GLIS3: variants seen among roughly 807,000 people sequenced by gnomAD.
GLIS3 encodes GLIS family zinc finger 3.
A neutral mutation model predicts 78.6 loss-of-function variants in GLIS3; 53 were observed. The observed-to-expected ratio is 0.67, with a 90% CI of 0.54 to 0.85. GLIS3 has a LOEUF of 0.85. Among genes scored for constraint, GLIS3 ranks in the 40% least tolerant of loss-of-function variants. The probability of loss-of-function intolerance (pLI) is 0.00; values close to 1 mark genes in which losing one functional copy is unlikely to be tolerated. For synonymous variants in GLIS3, 684 were observed against 509.9 expected, an observed-to-expected ratio of 1.34 and a Z score of -4.60; for missense variants, 1,703 against 1,231.1, an observed-to-expected ratio of 1.38 and a Z score of -5.74.
At chr9:4,406,177 C>T in the GLIS3 span, among the ~76,000 whole-genome samples, 2 of 152,052 alleles carry the variant, frequency 1.3e-5, no homozygotes, top group Non-Finnish European at 2.9e-5. Flanking sequence ...ACAAAGATGC[C>T]CACTTTCGTC....
Position 3,986,675 on chromosome 9 carries a change from G to A in GLIS3, c.1711-49486C>T, listed in dbSNP as rs540863047. On this transcript the variant is annotated intron_variant, in intron 4 of 10. Coordinates refer to ENST00000381971, the MANE Select transcript of GLIS3 (RefSeq NM_001042413.2). Reference sequence around the variant, plus strand: ...GAAAGTCATCTGGCGGCCTGACTGTGAAGCCCTTTTGCCCCCTCGGGCAGT... The same window carrying A: ...GAAAGTCATCTGGCGGCCTGACTGTAAAGCCCTTTTGCCCCCTCGGGCAGT... Among the ~76,000 whole-genome samples, 3 of 152,348 alleles carry A rather than the reference G, an allele frequency of 2.0e-5. No individual in the cohort carries two copies. In the South Asian group the frequency reaches 6.2e-4, roughly 32 times the overall value.
chr9:4,081,936 A>G (rs1828584464), intron 4 of GLIS3, among the ~76,000 whole-genome samples: 1 of 152,246 alleles, frequency 6.6e-6, no homozygotes, highest in Admixed American at 6.5e-5. Flanking sequence ...GTTCATTATG[A>G]TCACTAAATA....
the GLIS3 span, among the ~76,000 whole-genome samples, chr9:4,359,788 C>G: frequency 6.6e-6 from 1 of 152,054 alleles, no homozygotes; most frequent in East Asian, 1.9e-4. Context: ...CTGCCCCGGT[C>G]TCCACTTTAG....
chr9:4,049,848 T>A (rs566919005), intron 4 of GLIS3, among the ~76,000 whole-genome samples: 1 of 152,114 alleles, frequency 6.6e-6, no homozygotes, highest in East Asian at 1.9e-4. Context: ...CATGAAAAAA[T>A]GCTCATCATC....
intron 2 of GLIS3, among the ~76,000 whole-genome samples, chr9:4,280,874 G>C (rs569772605): frequency 6.6e-6 from 1 of 152,132 alleles, no homozygotes; most frequent in South Asian, 2.1e-4. Context: ...CCAACCACTA[G>C]CAGCAAGCAC....
At chr9:4,198,257 T>G (rs1819047277) in intron 2 of GLIS3, among the ~76,000 whole-genome samples, 2 of 152,146 alleles carry the variant, frequency 1.3e-5, no homozygotes, top group Admixed American at 6.5e-5. Flanking sequence ...CAAAGAAACT[T>G]TGTAAGGCAA....
In GLIS3 at chr9:4,104,753, C is replaced by A. The variant is rs146239925; in HGVS notation, c.1710+13015G>T. Among the ~76,000 whole-genome samples, 74 of 152,302 alleles carry A rather than the reference C, an allele frequency of 4.9e-4. No homozygotes were observed. In the East Asian group the frequency reaches 0.014, roughly 29 times the overall value. On this transcript the variant is annotated intron_variant, in intron 4 of 10. Transcript: ENST00000381971. ...CCTTGAGGCCTTTGCACTTGCTATT[C>A]TCTCTGCCTGGAACTTTCCTCCCCC...
At chr9:4,199,382 G>T (rs1368665435) in intron 2 of GLIS3, among the ~76,000 whole-genome samples, 1 of 151,328 alleles carries the variant, frequency 6.6e-6, no homozygotes, top group Non-Finnish European at 1.5e-5. Flanking sequence ...TCACACAAAT[G>T]CAACACAAAA....
intron 2 of GLIS3, among the ~76,000 whole-genome samples, chr9:4,135,057 A>G (rs945483259): frequency 7.2e-5 from 11 of 152,166 alleles, no homozygotes; most frequent in Admixed American, 3.9e-4. Flanking sequence ...AAAGAAATAC[A>G]TTATTTATTG....
intron 9 of GLIS3, among the ~76,000 whole-genome samples, chr9:3,848,976 G>A (rs188645668): frequency 1.3e-5 from 2 of 152,344 alleles, no homozygotes; most frequent in East Asian, 1.9e-4. Context: ...CACAGGAGCC[G>A]TGAACAACAG....
intron 2 of GLIS3, among the ~76,000 whole-genome samples, chr9:4,225,397 G>A (rs150648714): frequency 2.0e-5 from 3 of 152,238 alleles, no homozygotes; most frequent in Admixed American, 6.5e-5. Context: ...CCAAGACACT[G>A]GAAAATTTTT....
At chr9:3,877,210 T>C (rs1408362175) in intron 8 of GLIS3, among the ~76,000 whole-genome samples, 1 of 152,116 alleles carries the variant, frequency 6.6e-6, no homozygotes, top group African/African-American at 2.4e-5. Flanking sequence ...GTGGCTAATA[T>C]CATTTAGAAC....
chr9:4,132,475 G>C (rs1011546292), intron 2 of GLIS3, among the ~76,000 whole-genome samples: 2 of 152,142 alleles, frequency 1.3e-5, no homozygotes. Context: ...TGTATCCACT[G>C]GTTTTAAAAA....
At chr9:4,185,529 G>C (rs1413479389) in intron 2 of GLIS3, among the ~76,000 whole-genome samples, 1 of 152,180 alleles carries the variant, frequency 6.6e-6, no homozygotes, top group African/African-American at 2.4e-5. Flanking sequence ...CTGAAAATTA[G>C]AGTGTGCCTT....
chr9:4,405,349 C>T, the GLIS3 span, among the ~76,000 whole-genome samples: 4 of 139,530 alleles, frequency 2.9e-5, 1 homozygote, highest in African/African-American at 1.1e-4. Context: ...AGCGAAACTC[C>T]ATCTTAAAAA....
intron 2 of GLIS3, among the ~76,000 whole-genome samples, chr9:4,185,913 G>A (rs1052030577): frequency 7.9e-5 from 12 of 152,184 alleles, no homozygotes; most frequent in Admixed American, 1.3e-4. Context: ...GGAAGAGAGC[G>A]AGGTGGAAAA....
chr9:3,985,941 C>A (rs1442493938), intron 4 of GLIS3, among the ~76,000 whole-genome samples: 1 of 152,102 alleles, frequency 6.6e-6, no homozygotes, highest in African/African-American at 2.4e-5. Context: ...GTTTGTTCTA[C>A]CCACATCAAT....
At chr9:4,181,643 C>T (rs1309598071) in intron 2 of GLIS3, among the ~76,000 whole-genome samples, 1 of 152,252 alleles carries the variant, frequency 6.6e-6, no homozygotes, top group Admixed American at 6.5e-5. Flanking sequence ...ATTCCTCACA[C>T]TGAGAGGTGG....
At chr9:3,963,144 A>G (rs1817691861) in intron 4 of GLIS3, among the ~76,000 whole-genome samples, 1 of 152,164 alleles carries the variant, frequency 6.6e-6, no homozygotes, top group African/African-American at 2.4e-5. Context: ...AAGTGCCTCA[A>G]ATATTCATGT....
Sources: allele counts gnomAD v4.1 joint callset (sites outside exome capture counted in the v4.1 genomes callset), GRCh38; gene constraint gnomAD v4.1.1; transcripts MANE v1.5; gene names NCBI Gene and HGNC (gene_info 2026-07-23, HGNC 2026-07-21).